Variants in CFAP47 observed in about 807,000 individuals in gnomAD.
CFAP47 encodes cilia and flagella associated protein 47, also known as cilia- and flagella-associated protein 47.
In CFAP47, 29 loss-of-function variants were observed where a neutral mutation model predicts 148.1. That is an observed-to-expected ratio of 0.20 (90% CI 0.15 to 0.27). The LOEUF (loss-of-function observed/expected upper bound fraction) is 0.27, where lower values mean the gene tolerates loss of function less well. CFAP47 is among the 10% of genes least tolerant of loss of function. The pLI, the probability that CFAP47 is intolerant of heterozygous loss-of-function variation, is 1.00. For missense variants in CFAP47, 1,872 were observed against 1,697.5 expected (o/e 1.10, Z -1.81); for synonymous variants, 664 against 577.3 (o/e 1.15, Z -2.15).
intron 2 of CFAP47, among the ~76,000 whole-genome samples, chrX:35,931,745 ATAT>A (rs1935829221): frequency 9.0e-6 from 1 of 111,574 alleles, no homozygotes; most frequent in Non-Finnish European, 1.9e-5. Context: ...ACATGATATA[ATAT>A]TCTAGTGGCA....
intron 15 of CFAP47, among the ~76,000 whole-genome samples, chrX:35,979,659 G>A (rs1240866697): frequency 1.8e-5 from 2 of 111,642 alleles, no homozygotes; most frequent in Admixed American, 9.6e-5. Flanking sequence ...GATCACATAG[G>A]AGAGGCCTCA....
At chrX:36,300,954 T>A in intron 52 of CFAP47, 118 bp from the exon 53 acceptor site, 1 of 439,022 alleles carries the variant, frequency 2.3e-6, no homozygotes, top group Non-Finnish European at 4.1e-6. Flanking sequence ...TACAGAGTAG[T>A]TGTCAAATGT....
intron 39 of CFAP47, among the ~76,000 whole-genome samples, chrX:36,168,883 A>C (rs1939527887): frequency 8.9e-6 from 1 of 112,153 alleles, no homozygotes; most frequent in Non-Finnish European, 1.9e-5. Context: ...GTGTCCTTTT[A>C]TCTCAGCTGA....
chrX:36,180,634 T>C (rs1313025326), intron 40 of CFAP47, among the ~76,000 whole-genome samples: 1 of 112,355 alleles, frequency 8.9e-6, no homozygotes, highest in African/African-American at 3.2e-5. Context: ...GTGACTTGTA[T>C]TTAACTTAAC....
Position 36,303,955 on chromosome X carries a change from T to A in CFAP47, c.8077T>A (p.Ser2693Thr), listed in dbSNP as rs1174884633. Residue 2693 changes from serine (S) to threonine (T), a missense_variant, in exon 54 of 64, where the codon TCA becomes ACA. Coordinates refer to ENST00000378653, the MANE Select transcript of CFAP47 (RefSeq NM_001304548.2). ...ENFVLDINRKSQLIISPHSTT... is the reference protein window; with the variant it reads ...ENFVLDINRKTQLIISPHSTT... ...TTTTGTCCTGGATATTAACAGAAAA[T>A]CACAAGTAAGTAAATTCAGAGAGCC... 4.9e-6 allele frequency: 5 copies of A among 1,017,018 alleles called. No homozygotes were observed. Among genetic ancestry groups the A allele is most frequent in the Non-Finnish European group, 5.3e-6 (4 of 749,843 alleles). 83.8% of individuals were successfully genotyped at this position (1,017,018 alleles called of 1,213,427 possible).
At chrX:36,314,273 G>A (rs188771874) in intron 56 of CFAP47, among the ~76,000 whole-genome samples, 679 of 111,227 alleles carry the variant, frequency 6.1e-3, no homozygotes, top group African/African-American at 0.021. Flanking sequence ...GTGTAGTGAT[G>A]GAAGAAAAAT....
chrX:36,143,648 A>G (rs1165474676), intron 35 of CFAP47, among the ~76,000 whole-genome samples: 1 of 110,563 alleles, frequency 9.0e-6, no homozygotes, highest in Non-Finnish European at 1.9e-5. Flanking sequence ...ACTTTTCCCC[A>G]CTGCTTCTAT....
chrX:36,028,992 C>T (rs1462766606), intron 22 of CFAP47, among the ~76,000 whole-genome samples: 1 of 110,992 alleles, frequency 9.0e-6, no homozygotes, highest in Non-Finnish European at 1.9e-5. Flanking sequence ...TAGAATTCAG[C>T]TATGAATACA....
At chrX:36,319,133 T>C in intron 56 of CFAP47, 76 bp from the exon 57 acceptor site, 1 of 475,473 alleles carries the variant, frequency 2.1e-6, no homozygotes, top group South Asian at 4.1e-5. Flanking sequence ...TAATTTTTAT[T>C]CTATTTCCAT....
intron 48 of CFAP47, among the ~76,000 whole-genome samples, chrX:36,243,970 A>G (rs980684641): frequency 9.1e-6 from 1 of 110,380 alleles, no homozygotes; most frequent in African/African-American, 3.3e-5. Flanking sequence ...AAGATTGACC[A>G]CATGTTCAGT....
In CFAP47 at chrX:35,967,760, A is replaced by G. The variant is rs1269725876; in HGVS notation, c.1742A>G (p.Lys581Arg). 20 of 1,206,763 alleles carry G rather than the reference A, an allele frequency of 1.7e-5. No individual in the cohort carries two copies. Among genetic ancestry groups the G allele is most frequent in the Admixed American group, 2.2e-5 (1 of 45,366 alleles). ...HNHRSCEEPV[K>R]DMLLAFPNDR... Reference sequence around the variant, plus strand: ...CATCGCTCATGTGAAGAGCCAGTGAAGGATATGCTATTAGCCTTTCCCAAT... The same window carrying G: ...CATCGCTCATGTGAAGAGCCAGTGAGGGATATGCTATTAGCCTTTCCCAAT... The change falls in exon 10 of 64, where the codon AAG becomes AGG. Residue 581 changes from lysine to arginine, a missense_variant. Transcript: ENST00000378653.
intron 40 of CFAP47, among the ~76,000 whole-genome samples, chrX:36,183,810 G>C (rs893306654): frequency 1.8e-5 from 2 of 111,723 alleles, no homozygotes; most frequent in African/African-American, 6.5e-5. Flanking sequence ...TATCAGGAAC[G>C]TATCAGTGTA....
intron 29 of CFAP47, among the ~76,000 whole-genome samples, chrX:36,079,312 G>A (rs1487967954): frequency 8.9e-6 from 1 of 112,019 alleles, no homozygotes; most frequent in East Asian, 2.8e-4. Context: ...TTCAGGTACA[G>A]CAGTCAAACA....
chrX:36,085,261 C>A, intron 29 of CFAP47, 53 bp from the exon 30 acceptor site: 2 of 753,827 alleles, frequency 2.7e-6, no homozygotes, highest in Non-Finnish European at 2.0e-6. Context: ...TTTTTTTTCC[C>A]CCATACTATA....
chrX:36,075,413 A>G (rs1185630612), intron 29 of CFAP47, among the ~76,000 whole-genome samples: 2 of 110,388 alleles, frequency 1.8e-5, no homozygotes, highest in East Asian at 5.7e-4. Flanking sequence ...TTTTTCATAG[A>G]GACAGGGTTT....
intron 60 of CFAP47, among the ~76,000 whole-genome samples, chrX:36,360,222 A>G (rs4332284): frequency 0.32 from 35,002 of 110,911 alleles, 6,796 homozygotes; most frequent in African/African-American, 0.73. Context: ...TTTTGTCTTC[A>G]ACTGTTTTTG....
chrX:36,316,723 T>C (rs1941436773), intron 56 of CFAP47, among the ~76,000 whole-genome samples: 1 of 112,336 alleles, frequency 8.9e-6, no homozygotes, highest in Non-Finnish European at 1.9e-5. Context: ...TATATTTTTG[T>C]GACATACCCA....
At chrX:35,944,208 G>A (rs531274082) in intron 3 of CFAP47, among the ~76,000 whole-genome samples, 2 of 111,274 alleles carry the variant, frequency 1.8e-5, no homozygotes, top group South Asian at 7.6e-4. Flanking sequence ...CCCAGAAGTG[G>A]TCCTGGGGAT....
chrX:36,024,574 A>G (rs1027305903), intron 22 of CFAP47, among the ~76,000 whole-genome samples: 2 of 111,463 alleles, frequency 1.8e-5, no homozygotes, highest in Non-Finnish European at 3.8e-5. Context: ...AGGGTTCCAC[A>G]GCACTTTATT....
Sources: allele counts gnomAD v4.1 joint callset (sites outside exome capture counted in the v4.1 genomes callset), GRCh38; gene constraint gnomAD v4.1.1; transcripts MANE v1.5; gene names NCBI Gene and HGNC (gene_info 2026-07-23, HGNC 2026-07-21).